The following FAN1 variants were observed in gnomAD, a reference collection of about 807,000 sequenced individuals.
FAN1 encodes fanconi-associated nuclease 1.
In FAN1, 91 loss-of-function variants were observed where a neutral mutation model predicts 104.9. The ratio of observed to expected loss-of-function variants is 0.87; its 90% CI spans 0.73 to 1.03. The LOEUF is 1.03. Among genes scored for constraint, FAN1 ranks in the 50% least tolerant of loss-of-function variants. The pLI is 0.00. For missense variants in FAN1, 1,263 were observed against 1,239.9 expected (o/e 1.02, Z -0.28); for synonymous variants, 478 against 457.6 (o/e 1.04, Z -0.57).
Position 30,929,271 on chromosome 15 carries a change from G to C in FAN1, c.2661G>C (p.Leu887=). The C allele has an allele frequency of 1.2e-6, 2 of 1,613,598 alleles. No homozygotes were observed. Among genetic ancestry groups the C allele is most frequent in the Non-Finnish European group, 1.7e-6 (2 of 1,179,818 alleles). ...TSRRPALEAR[L]QLIHDAPEES... ...GACGCCCAGCCCTTGAGGCCAGGCT[G>C]CAGCTGATTCATGATGCCCCCGAGG... is the stretch of plus-strand genomic sequence containing the variant. Residue 887 remains leucine, a synonymous_variant, in exon 12 of 15, where the codon CTG becomes CTC. Coordinates refer to ENST00000362065, the MANE Select transcript of FAN1 (RefSeq NM_014967.5).
intron 4 of FAN1, among the ~76,000 whole-genome samples, chr15:30,912,739 G>A (rs2062124849): frequency 6.6e-6 from 1 of 152,234 alleles, no homozygotes. Flanking sequence ...TTGGTTGTCA[G>A]TACTGGAGGT....
In FAN1 at chr15:30,928,651, T is replaced by C. The variant is rs769964560; in HGVS notation, c.2587T>C (p.Cys863Arg). Residue 863 changes from cysteine (C) to arginine (R), a missense_variant, in exon 11 of 15, where the codon TGT (cysteine) becomes CGT (arginine). Cys to Arg is a radical substitution (Grantham distance 180). This residue lies in a region of FAN1 where 581 missense variants were observed against 668.8 expected (regional missense o/e 0.87). Coordinates refer to ENST00000362065, the MANE Select transcript of FAN1 (RefSeq NM_014967.5). ...DGIPDVFRNA[C>R]QAFPLDLCTD... The stretch of plus-strand genomic sequence containing the variant: ...GATTCCGGATGTCTTCAGAAACGCC[T>C]GTCAGGTACTCCAGTGCCCCTGCCC... 6.2e-7 allele frequency: 1 copy of C among 1,614,042 alleles called. No individual in the cohort carries two copies. Among genetic ancestry groups the C allele is most frequent in the Non-Finnish European group, 8.5e-7 (1 of 1,179,976 alleles).
Position 30,905,429 on chromosome 15 carries a change from G to A in FAN1, c.766G>A (p.Gly256Arg). The A allele has an allele frequency of 2.5e-6, 4 of 1,614,114 alleles. No individual in the cohort carries two copies. Among genetic ancestry groups the A allele is most frequent in the Non-Finnish European group, 3.4e-6 (4 of 1,180,008 alleles). Reference protein sequence around the residue: ...RECEKSALTPGFSDNAIMLFS... With the variant: ...RECEKSALTPRFSDNAIMLFS... ...ATGTGAGAAATCAGCCCTCACCCCTGGATTCTCAGATAATGCGATCATGTT... is the reference window on the plus strand; with the variant it reads ...ATGTGAGAAATCAGCCCTCACCCCTAGATTCTCAGATAATGCGATCATGTT... Residue 256 changes from glycine to arginine, a missense_variant, in exon 2 of 15, where the codon GGA (glycine) becomes AGA (arginine). Coordinates refer to ENST00000362065, the MANE Select transcript of FAN1 (RefSeq NM_014967.5).
rs775468946 is a variant in FAN1, at chr15:30,908,095, C to T, written c.1235-23C>T. ...AAAAGGTAAATGCAGTGATTTTCAA[C>T]ATTTTTCTTAACTTTATTGCAGCTA... On this transcript the variant is annotated intron_variant, in intron 2 of 14. Coordinates refer to ENST00000362065, the MANE Select transcript of FAN1 (RefSeq NM_014967.5). 3.2e-6 allele frequency: 5 copies of T among 1,578,258 alleles called. No individual in the cohort carries two copies. The South Asian group carries it at 6.0e-5, about 19-fold the overall frequency.
intron 3 of FAN1, among the ~76,000 whole-genome samples, chr15:30,908,685 A>C (rs1311131707): frequency 1.6e-5 from 2 of 121,968 alleles, no homozygotes; most frequent in Non-Finnish European, 3.7e-5. Flanking sequence ...ATCTCTACTA[A>C]AAATACAAAA....
rs1162228433 is a variant in FAN1, at chr15:30,927,430, G to A, written c.2489-1123G>A. 7.1e-6 allele frequency: 7 copies of A among 985,524 alleles called. No homozygotes were observed. The Admixed American group carries it at 1.8e-4, about 26-fold the overall frequency. 61.0% of individuals were successfully genotyped at this position (985,524 alleles called of 1,614,324 possible). ...CGCTGTCCTTTTGAATCCCTGAGAC[G>A]GGCTGCAGGGATGAGGGGCTAGAAC... On this transcript the variant is annotated intron_variant, in intron 10 of 14. Coordinates refer to ENST00000362065, the MANE Select transcript of FAN1 (RefSeq NM_014967.5).
intron 11 of FAN1, 104 bp downstream of exon 11, chr15:30,928,760 T>TA: frequency 1.9e-6 from 3 of 1,570,736 alleles, no homozygotes; most frequent in East Asian, 4.5e-5. Context: ...CCATCTCTGT[T>TA]ACGGTCCTTT....
Position 30,942,764 on chromosome 15 carries a change from C to T in FAN1, c.*1202C>T. The T allele has an allele frequency of 1.0e-6, 1 of 962,480 alleles. No individual in the cohort carries two copies. Among genetic ancestry groups the T allele is most frequent in the Admixed American group, 3.2e-5 (1 of 31,416 alleles). 59.6% of individuals were successfully genotyped at this position (962,480 alleles called of 1,614,324 possible). The stretch of plus-strand genomic sequence containing the variant: ...GTCATTTGAGTTAAAAAGGGAATGA[C>T]CCCTCAGAAACCCGCATTAGCAGTG... On this transcript the variant is annotated 3_prime_UTR_variant, in exon 15 of 15. Coordinates refer to ENST00000362065, the MANE Select transcript of FAN1 (RefSeq NM_014967.5).
chr15:30,908,383 A>G, intron 3 of FAN1, 125 bp downstream of exon 3: 1 of 726,828 alleles, frequency 1.4e-6, no homozygotes, highest in Non-Finnish European at 2.1e-6. Flanking sequence ...CTGTTTTTTA[A>G]TTGAATTTTT....
At chr15:30,933,894 C>T (rs970419267) in intron 13 of FAN1, among the ~76,000 whole-genome samples, 2 of 151,976 alleles carry the variant, frequency 1.3e-5, no homozygotes, top group South Asian at 2.1e-4. Flanking sequence ...TTGAGTAGCC[C>T]GAACTATAGG....
chr15:30,904,711 C>G lies in FAN1; in HGVS notation c.48C>G (p.Ser16Arg), dbSNP rs774923094. Residue 16 changes from serine (S) to arginine (R), a missense_variant, in exon 2 of 15, where the codon AGC becomes AGG. Ser to Arg is a moderately radical substitution (Grantham distance 110). This residue lies in a region of FAN1 where 682 missense variants were observed against 571.1 expected (regional missense o/e 1.19). Transcript: ENST00000362065. ...CTGACAAAAAAAGGCCTCGTAGAAG[C>G]TTATCAATCAGCAAGAATAAGAAAA... ...KPPDKKRPRR[S>R]LSISKNKKKA... The G allele has an allele frequency of 6.2e-7, 1 of 1,609,216 alleles. No individual in the cohort carries two copies. The highest frequency in any genetic ancestry group is 8.5e-7 in the Non-Finnish European group (1 of 1,177,000).
chr15:30,930,504 A>G (rs375832096), intron 12 of FAN1, 39 bp from the exon 13 acceptor site: 5 of 1,559,794 alleles, frequency 3.2e-6, no homozygotes, highest in Admixed American at 2.2e-5. Flanking sequence ...ATTCTCTGTC[A>G]CGAGGGAAGT....
intron 7 of FAN1, among the ~76,000 whole-genome samples, chr15:30,921,413 T>C (rs1033969180): frequency 2.6e-5 from 4 of 152,180 alleles, no homozygotes; most frequent in East Asian, 1.9e-4. Context: ...AATCAGAAAT[T>C]TGTCGTATCC....
Position 30,930,523 on chromosome 15 carries a change from G to T in FAN1, c.2788-20G>T. 1 of 1,580,124 alleles carries T rather than the reference G, an allele frequency of 6.3e-7. No individual in the cohort carries two copies. On this transcript the variant is annotated intron_variant, in intron 12 of 14. Coordinates refer to ENST00000362065, the MANE Select transcript of FAN1 (RefSeq NM_014967.5). ...TCTGTCACGAGGGAAGTGGCTAACT[G>T]TCCTGTGTTTTGTGTTCAGGATCTT...
rs768836322 is a variant in FAN1 at position 30,905,084 on chromosome 15, G to T, written c.421G>T (p.Glu141Ter). 6 of 1,614,048 alleles carry T rather than the reference G, an allele frequency of 3.7e-6. No homozygotes were observed. The highest frequency in any genetic ancestry group is 5.1e-6 in the Non-Finnish European group (6 of 1,179,988). ...SNDVVCKNQD[E>*]LRNRSVKVIC... ...TGATGTGGTGTGCAAAAATCAAGAT[G>T]AGCTGAGAAATCGTAGTGTGAAAGT... The change falls in exon 2 of 15, where the codon GAG (glutamate) becomes TAG (stop). Residue 141 changes from glutamate (E) to a stop codon, truncating the protein, a stop_gained. Coordinates refer to ENST00000362065, the MANE Select transcript of FAN1 (RefSeq NM_014967.5). LOFTEE classifies it high-confidence loss of function.
intron 14 of FAN1, 45 bp downstream of exon 14, chr15:30,937,304 C>T (rs944980156): frequency 5.2e-6 from 8 of 1,550,064 alleles, no homozygotes; most frequent in Admixed American, 4.0e-5. Context: ...GTAAGATTTT[C>T]AAGAGTATAA....
intron 10 of FAN1, among the ~76,000 whole-genome samples, chr15:30,926,280 G>T (rs529343920): frequency 1.6e-4 from 25 of 152,310 alleles, no homozygotes; most frequent in African/African-American, 5.8e-4. Flanking sequence ...GTTCTCTCCT[G>T]CCCCTTCCCT....
In FAN1 at chr15:30,910,667, C is replaced by G; in HGVS notation, c.1429C>G (p.Leu477Val). 1.2e-6 allele frequency: 2 copies of G among 1,613,794 alleles called. No homozygotes were observed. The highest frequency in any genetic ancestry group is 8.5e-7 in the Non-Finnish European group (1 of 1,179,848). Residue 477 changes from leucine (L) to valine (V), a missense_variant, in exon 4 of 15, where the codon CTA becomes GTA. Physicochemically the swap from Leu to Val is conservative, Grantham distance 32. Around this residue, in one of 2 missense-constraint regions of FAN1, gnomAD observed 682 missense variants for 571.1 expected, o/e 1.19. Coordinates refer to ENST00000362065, the MANE Select transcript of FAN1 (RefSeq NM_014967.5). ...EVLELLSAPE[L>V]KSLAKTFHLV... is the part of the protein sequence containing the mutation. ...GCTTGAACTCCTTTCTGCTCCTGAA[C>G]TAAAATCCCTAGCCAAGACCTTCCA...
Position 30,904,595 on chromosome 15 carries a change from A to G in FAN1, c.-69A>G, listed in dbSNP as rs1195253283. The G allele has an allele frequency of 5.4e-6, 8 of 1,471,120 alleles. No homozygotes were observed. The highest frequency in any genetic ancestry group is 7.6e-6 in the Non-Finnish European group (8 of 1,055,882). The allele number at this position is 1,471,120 out of a possible 1,614,324, so 91.1% of individuals were successfully genotyped here. On this transcript the variant is annotated 5_prime_UTR_variant, in exon 2 of 15. Coordinates refer to ENST00000362065, the MANE Select transcript of FAN1 (RefSeq NM_014967.5). ...TTTCAAGTCAAGAAAGTAAAAGTAA[A>G]CCATTGCTATCTTTCACCTTAAATA...
Sources: allele counts gnomAD v4.1 joint callset (sites outside exome capture counted in the v4.1 genomes callset), GRCh38; gene constraint gnomAD v4.1.1; regional missense constraint gnomAD v4.1.1; transcripts MANE v1.5; gene names NCBI Gene and HGNC (gene_info 2026-07-23, HGNC 2026-07-21).